The following SHISAL2B variants were observed in gnomAD, a reference collection of about 807,000 sequenced individuals.
SHISAL2B encodes the protein protein shisa-like-2B.
SHISAL2B carries 12 observed loss-of-function variants against 16.5 expected under a neutral mutation model. That is an observed-to-expected ratio of 0.73 (90% CI 0.47 to 1.18). The LOEUF (loss-of-function observed/expected upper bound fraction) is 1.18, where lower values mean the gene tolerates loss of function less well. SHISAL2B is among the 50% of genes most tolerant of loss of function. SHISAL2B has a pLI of 0.00. For synonymous variants in SHISAL2B, 72 were observed against 75.0 expected (o/e 0.96, Z 0.21); for missense variants, 183 against 193.6 (o/e 0.95, Z 0.33).
At chr5:64,695,740 C>T (rs759130060) in intron 2 of SHISAL2B, 76 bp downstream of exon 2, 49 of 1,103,588 alleles carry the variant, frequency 4.4e-5, no homozygotes, top group Non-Finnish European at 5.8e-5. Flanking sequence ...GGTGATAATA[C>T]TGTTAACAAT....
intron 2 of SHISAL2B, among the ~76,000 whole-genome samples, chr5:64,712,351 G>T (rs1437964216): frequency 1.3e-5 from 2 of 152,162 alleles, no homozygotes; most frequent in African/African-American, 4.8e-5. Context: ...GAGCGGCTTT[G>T]AGTGAGATTA....
chr5:64,700,138 A>G (rs949406605), intron 2 of SHISAL2B, among the ~76,000 whole-genome samples: 1 of 151,182 alleles, frequency 6.6e-6, no homozygotes, highest in African/African-American at 2.4e-5. Flanking sequence ...TGTGAAAGGC[A>G]CCCTTCTGAG....
At chr5:64,703,590 AG>A (rs1741838793) in intron 2 of SHISAL2B, among the ~76,000 whole-genome samples, 1 of 152,250 alleles carries the variant, frequency 6.6e-6, no homozygotes, top group Non-Finnish European at 1.5e-5. Context: ...AATAGAAGCC[AG>A]TATCTCATTG....
chr5:64,712,991 G>C (rs370183722), intron 2 of SHISAL2B, among the ~76,000 whole-genome samples: 7 of 152,158 alleles, frequency 4.6e-5, no homozygotes, highest in East Asian at 3.9e-4. Flanking sequence ...GACTCTTTAT[G>C]CAACTTGCCA....
chr5:64,715,098 G>T (rs1446688042), intron 2 of SHISAL2B, among the ~76,000 whole-genome samples: 2 of 152,010 alleles, frequency 1.3e-5, no homozygotes. Flanking sequence ...AAATAATATT[G>T]TCCTTTGAGT....
At chr5:64,716,616 T>C (rs1026245740) in intron 2 of SHISAL2B, among the ~76,000 whole-genome samples, 3 of 152,138 alleles carry the variant, frequency 2.0e-5, no homozygotes, top group African/African-American at 4.8e-5. Context: ...AAGATGACTT[T>C]TGAGGAAGGA....
intron 2 of SHISAL2B, among the ~76,000 whole-genome samples, chr5:64,715,724 GAT>G (rs1449121824): frequency 6.6e-6 from 1 of 152,194 alleles, no homozygotes. Context: ...TTGTATTGCT[GAT>G]AGTTTTACAT....
At chr5:64,709,292 G>GT (rs1398573350) in intron 2 of SHISAL2B, among the ~76,000 whole-genome samples, 2 of 149,878 alleles carry the variant, frequency 1.3e-5, no homozygotes, top group Non-Finnish European at 3.0e-5. Flanking sequence ...GTGGTGTTTG[G>GT]TTTTTTGTTC....
At chr5:64,717,858 C>T in intron 2 of SHISAL2B, 31 bp from the exon 3 acceptor site, 1 of 1,484,172 alleles carries the variant, frequency 6.7e-7, no homozygotes, top group Non-Finnish European at 8.8e-7. Context: ...GTCATAATTT[C>T]AAATAATTAT....
At chr5:64,703,469 A>G (rs1741836665) in intron 2 of SHISAL2B, among the ~76,000 whole-genome samples, 1 of 152,256 alleles carries the variant, frequency 6.6e-6, no homozygotes, top group Non-Finnish European at 1.5e-5. Flanking sequence ...TGCTACATTT[A>G]TTAGGTTGGT....
intron 2 of SHISAL2B, among the ~76,000 whole-genome samples, chr5:64,715,741 C>T (rs1742040286): frequency 6.6e-6 from 1 of 152,190 alleles, no homozygotes; most frequent in African/African-American, 2.4e-5. Flanking sequence ...TTACATTCTT[C>T]TCATTTGACA....
At chr5:64,714,808 G>A (rs1181064410) in intron 2 of SHISAL2B, among the ~76,000 whole-genome samples, 1 of 152,108 alleles carries the variant, frequency 6.6e-6, no homozygotes, top group East Asian at 1.9e-4. Flanking sequence ...GATTTTCCAG[G>A]TGTGTCCGTC....
intron 1 of SHISAL2B, among the ~76,000 whole-genome samples, chr5:64,695,251 T>G (rs1265494783): frequency 7.3e-6 from 1 of 136,240 alleles, no homozygotes; most frequent in Non-Finnish European, 1.5e-5. Flanking sequence ...GGCTTCAGAG[T>G]GAGACACCAT....
At chr5:64,696,969 C>A (rs1741747683) in intron 2 of SHISAL2B, among the ~76,000 whole-genome samples, 1 of 152,178 alleles carries the variant, frequency 6.6e-6, no homozygotes, top group Admixed American at 6.5e-5. Flanking sequence ...TACCCCCTCC[C>A]CTTTTAAAGT....
chr5:64,707,804 C>T (rs1207395948), intron 2 of SHISAL2B, among the ~76,000 whole-genome samples: 1 of 152,188 alleles, frequency 6.6e-6, no homozygotes, highest in African/African-American at 2.4e-5. Flanking sequence ...AAAAAGATTA[C>T]TTCAGTCTTC....
chr5:64,696,442 T>C (rs1741736403), intron 2 of SHISAL2B, among the ~76,000 whole-genome samples: 1 of 152,174 alleles, frequency 6.6e-6, no homozygotes, highest in African/African-American at 2.4e-5. Context: ...TCTGACTGCC[T>C]GCGGGGTTGG....
At chr5:64,702,303 C>T (rs1032282900) in intron 2 of SHISAL2B, among the ~76,000 whole-genome samples, 15 of 152,078 alleles carry the variant, frequency 9.9e-5, no homozygotes, top group Non-Finnish European at 1.6e-4. Context: ...CGGGTTCAAG[C>T]GGTTCTTCTG....
chr5:64,696,955 C>T (rs1028993603), intron 2 of SHISAL2B, among the ~76,000 whole-genome samples: 4 of 152,144 alleles, frequency 2.6e-5, no homozygotes, highest in Non-Finnish European at 5.9e-5. Context: ...ACTCCCTATT[C>T]GTATACCCCC....
At chr5:64,706,591 A>C (rs1417651937) in intron 2 of SHISAL2B, among the ~76,000 whole-genome samples, 1 of 152,228 alleles carries the variant, frequency 6.6e-6, no homozygotes, top group East Asian at 1.9e-4. Context: ...TCTCATGGCT[A>C]GTATGATTAA....
Sources: gnomAD v4.1 joint callset for allele counts (sites outside exome capture counted in the v4.1 genomes callset) on GRCh38, gnomAD v4.1.1 for gene constraint, MANE v1.5 for transcripts, NCBI Gene and HGNC (gene_info 2026-07-23, HGNC 2026-07-21) for gene names.